LDLRAP1: variants seen among roughly 807,000 people sequenced by gnomAD.
LDLRAP1 encodes the protein low density lipoprotein receptor adapter protein 1.
A neutral mutation model predicts 37.8 loss-of-function variants in LDLRAP1; 30 were observed. The ratio of observed to expected loss-of-function variants is 0.79; its 90% CI spans 0.59 to 1.08. The LOEUF is 1.08. LDLRAP1 is among the 50% of genes least tolerant of loss of function. LDLRAP1 has a pLI of 0.00. For missense variants in LDLRAP1, 375 were observed against 401.6 expected (o/e 0.93, Z 0.57); for synonymous variants, 156 against 169.8 (o/e 0.92, Z 0.63).
chr1:25,544,644 G>A lies in LDLRAP1; in HGVS notation c.88+858G>A, dbSNP rs969171202. 2.6e-5 allele frequency among the ~76,000 whole-genome samples: 4 copies of A among 152,068 alleles called. No homozygotes were observed. Among genetic ancestry groups the A allele is most frequent in the African/African-American group, 9.7e-5 (4 of 41,404 alleles). ...ATTACGCTCAGGGAACTTGTCACCT[G>A]GCACCTTCCCCTGAAGCCAGAAGAC... On this transcript the variant is annotated intron_variant, in intron 1 of 8. Transcript: ENST00000374338. This position sits in a 1 kb window ranked among gnomAD's most constrained non-coding sequence, Gnocchi z 4.8.
the LDLRAP1 span, chr1:25,581,346 T>C: frequency 6.6e-6 from 1 of 152,014 alleles, no homozygotes; most frequent in Non-Finnish European, 1.5e-5. Context: ...AAAAGAGAGA[T>C]ACCAAACAGG....
rs549476432 is a variant in LDLRAP1 at position 25,563,648 on chromosome 1, G to A, written c.617-13G>A. The A allele has an allele frequency of 5.0e-6, 8 of 1,612,988 alleles. No individual in the cohort carries two copies. Among genetic ancestry groups the A allele is most frequent in the Non-Finnish European group, 6.8e-6 (8 of 1,179,968 alleles). ...CTGATCTCCCACTGACAACCTGACC[G>A]GATCCCTCACAGTGGTCGCCACTGG... On this transcript the variant is annotated splice_polypyrimidine_tract_variant and intron_variant, in intron 6 of 8. Transcript: ENST00000374338.
At chr1:25,573,187 G>A (rs2044628854), downstream of LDLRAP1, among the ~76,000 whole-genome samples, 1 of 152,146 alleles carries the variant, frequency 6.6e-6, no homozygotes, top group Non-Finnish European at 1.5e-5. Flanking sequence ...GACAAGTTGT[G>A]TCTTACCAGC....
In LDLRAP1 at chr1:25,554,113, G is replaced by A. The variant is rs543093726; in HGVS notation, c.231+49G>A. The A allele has an allele frequency of 6.2e-7, 1 of 1,608,234 alleles. No individual in the cohort carries two copies. Among genetic ancestry groups the A allele is most frequent in the Non-Finnish European group, 8.5e-7 (1 of 1,178,874 alleles). On this transcript the variant is annotated intron_variant, in intron 2 of 8. Coordinates refer to ENST00000374338, the MANE Select transcript of LDLRAP1 (RefSeq NM_015627.3). This position sits in a 1 kb window ranked among gnomAD's most constrained non-coding sequence, Gnocchi z 5.4. ...TGGGGGAACCAGGGACCAAGGACCA[G>A]CTTCTTCCCAGGGTGCCCTCGTCCC...
At position 25,546,586 on chromosome 1, in the gene LDLRAP1, C is replaced by T. The variant is rs558132441; in HGVS notation, c.88+2800C>T. ...TCCAGCTGCCTGGAAGAGGGGCTCA[C>T]CTTGGCCCCTCAGCACTCTTTCCAG... On this transcript the variant is annotated intron_variant, in intron 1 of 8. Transcript: ENST00000374338. 1.4e-4 allele frequency among the ~76,000 whole-genome samples: 21 copies of T among 152,228 alleles called. No homozygotes were observed. The South Asian group carries it at 4.1e-3, about 30-fold the overall frequency.
At position 25,568,009 on chromosome 1, in the gene LDLRAP1, G is replaced by A. The variant is rs2044530457; in HGVS notation, c.*1017G>A. The stretch of plus-strand genomic sequence containing the variant: ...CAAGCGTGGAGGGGTAGAGTGAAGA[G>A]TAGAACCCAGGTCTGATGCCAAAGC... On this transcript the variant is annotated 3_prime_UTR_variant, in exon 9 of 9. Coordinates refer to ENST00000374338, the MANE Select transcript of LDLRAP1 (RefSeq NM_015627.3). The A allele has an allele frequency of 6.6e-6, 1 of 152,650 alleles. No homozygotes were observed. The highest frequency in any genetic ancestry group is 1.5e-5 in the Non-Finnish European group (1 of 68,056). The allele number at this position is 152,650 out of a possible 1,614,324, so 9.5% of individuals were successfully genotyped here.
chr1:25,589,511 A>C, the LDLRAP1 span, among the ~76,000 whole-genome samples: 1 of 152,168 alleles, frequency 6.6e-6, no homozygotes, highest in Admixed American at 6.5e-5. Context: ...GACTAAGTAA[A>C]GAAGATCCAC....
At chr1:25,563,515 T>C (rs2044397137) in intron 6 of LDLRAP1, 146 bp from the exon 7 acceptor site, 1 of 1,023,554 alleles carries the variant, frequency 9.8e-7, no homozygotes, top group Non-Finnish European at 1.5e-6. Context: ...GCGCATCTGC[T>C]GTGGGGAGGT....
intron 1 of LDLRAP1, among the ~76,000 whole-genome samples, chr1:25,546,166 C>T (rs2043929411): frequency 6.6e-6 from 1 of 152,110 alleles, no homozygotes; most frequent in Admixed American, 6.5e-5. Flanking sequence ...GGTGGGGGTG[C>T]TAGGGTCACC....
chr1:25,585,616 T>C, the LDLRAP1 span, among the ~76,000 whole-genome samples: 25 of 152,210 alleles, frequency 1.6e-4, no homozygotes, highest in Admixed American at 1.3e-4. Flanking sequence ...TGAGCCACTG[T>C]GCCTTACGGA....
the LDLRAP1 span, among the ~76,000 whole-genome samples, chr1:25,578,205 G>A: frequency 4.6e-5 from 7 of 152,286 alleles, no homozygotes; most frequent in East Asian, 5.8e-4. Flanking sequence ...GCGGGTGACC[G>A]TTGACTAAAG....
At chr1:25,590,072 C>T in the LDLRAP1 span, 3 of 152,314 alleles carry the variant, frequency 2.0e-5, no homozygotes, top group East Asian at 5.8e-4. Context: ...CACTGCACTC[C>T]AGCCTGGTGA....
At chr1:25,576,455 G>A in the LDLRAP1 span, among the ~76,000 whole-genome samples, 4 of 152,338 alleles carry the variant, frequency 2.6e-5, no homozygotes, top group East Asian at 5.8e-4. Context: ...GAAACCAGAA[G>A]GCAGAGGTTG....
At chr1:25,573,264 GAA>G (rs1179245241), downstream of LDLRAP1, among the ~76,000 whole-genome samples, 1 of 152,326 alleles carries the variant, frequency 6.6e-6, no homozygotes, top group Admixed American at 6.5e-5. Flanking sequence ...ATGCCCTCAG[GAA>G]AAACTCAACA....
intron 1 of LDLRAP1, among the ~76,000 whole-genome samples, chr1:25,545,856 T>A (rs2043921840): frequency 6.6e-6 from 1 of 152,258 alleles, no homozygotes. Flanking sequence ...TAACTGCTGC[T>A]TTTGTAACTG....
chr1:25,546,210 C>A (rs1455299241), intron 1 of LDLRAP1, among the ~76,000 whole-genome samples: 2 of 152,158 alleles, frequency 1.3e-5, no homozygotes, highest in Non-Finnish European at 2.9e-5. Context: ...TGGCCTTGGA[C>A]CTGGTCCCTG....
intron 1 of LDLRAP1, among the ~76,000 whole-genome samples, chr1:25,546,637 C>T (rs968418683): frequency 1.3e-5 from 2 of 152,062 alleles, no homozygotes; most frequent in African/African-American, 2.4e-5. Context: ...TCAGGCCCTC[C>T]GGTTATTTTG....
At position 25,543,649 on chromosome 1, in the gene LDLRAP1, T is replaced by G; in HGVS notation, c.-50T>G. 8.5e-7 allele frequency: 1 copy of G among 1,181,460 alleles called. No homozygotes were observed. The highest frequency in any genetic ancestry group is 1.1e-6 in the Non-Finnish European group (1 of 948,822). 73.2% of individuals were successfully genotyped at this position (1,181,460 alleles called of 1,614,324 possible). A position where few individuals can be genotyped will look rare whatever the true frequency, so the allele number is the denominator to read the frequency against. On this transcript the variant is annotated 5_prime_UTR_variant, in exon 1 of 9. Transcript: ENST00000374338. The stretch of plus-strand genomic sequence containing the variant: ...GCCGCAGGGCCGGGCGGAAAGTTTT[T>G]CCTGACGGAGTTTTGGCTGCGGCAG...
rs2044225069 is a variant in LDLRAP1, at chr1:25,557,241, G to A, written c.433G>A (p.Ala145Thr). The A allele has an allele frequency of 1.9e-6, 3 of 1,613,956 alleles. No individual in the cohort carries two copies. The highest frequency in any genetic ancestry group is 2.5e-6 in the Non-Finnish European group (3 of 1,179,858). The change falls in exon 4 of 9, where the codon GCC becomes ACC. Residue 145 changes from alanine (A) to threonine (T), a missense_variant. Physicochemically the swap from Ala to Thr is moderately conservative, Grantham distance 58. Coordinates refer to ENST00000374338, the MANE Select transcript of LDLRAP1 (RefSeq NM_015627.3). ...GCACAACCAGAGCCTCGAGTGCCACGCCTTCCTCTGCACCAAGCGGAAGAT... is the reference window on the plus strand; with the variant it reads ...GCACAACCAGAGCCTCGAGTGCCACACCTTCCTCTGCACCAAGCGGAAGAT... Reference protein sequence around the residue: ...SQHNQSLECHAFLCTKRKMAQ... With the variant: ...SQHNQSLECHTFLCTKRKMAQ...
Sources: gnomAD v4.1 joint callset for allele counts (sites outside exome capture counted in the v4.1 genomes callset) on GRCh38, gnomAD v4.1.1 for gene constraint, Gnocchi (gnomAD v3.1) non-coding constraint, MANE v1.5 for transcripts, NCBI Gene and HGNC (gene_info 2026-07-23, HGNC 2026-07-21) for gene names.